CTDP1: variants seen among roughly 807,000 people sequenced by gnomAD.
CTDP1 encodes the protein CTD phosphatase 1.
A neutral mutation model predicts 91.8 loss-of-function variants in CTDP1; 47 were observed. The observed-to-expected ratio is 0.51, with a 90% confidence interval of 0.41 to 0.65. CTDP1 has a LOEUF of 0.65. Ranked by LOEUF, CTDP1 falls within the 30% of genes least tolerant of loss-of-function variation. The pLI is 0.00. For missense variants in CTDP1, 1,272 were observed against 1,373.7 expected, an observed-to-expected ratio of 0.93 and a Z score of 1.17; for synonymous variants, 656 against 598.5, an observed-to-expected ratio of 1.10 and a Z score of -1.40.
intron 1 of CTDP1, chr18:79,681,101 TCGGCAGCCGCGGCTC>T (rs2085356192): frequency 6.6e-6 from 1 of 152,396 alleles, no homozygotes; most frequent in Non-Finnish European, 1.5e-5. Flanking sequence ...TCTTCCCTCC[TCGGCAGCCGCGGCTC>T]CTCGTCCCTT....
In CTDP1 at chr18:79,714,874, T is replaced by G; in HGVS notation, c.1414T>G (p.Ser472Ala). 4 of 1,582,066 alleles carry G rather than the reference T, an allele frequency of 2.5e-6. No individual in the cohort carries two copies. The highest frequency in any genetic ancestry group is 3.4e-6 in the Non-Finnish European group (4 of 1,164,876). Residue 472 changes from serine to alanine, a missense_variant, in exon 8 of 13, where the codon TCC becomes GCC. Coordinates refer to ENST00000613122, the MANE Select transcript of CTDP1 (RefSeq NM_004715.5). ...GTCCGAGGGCACGAAGTCCTCCTCC[T>G]CCGCCTCTGATGGCGAAAGCGAGGG... ...SESEGTKSSSSASDGESEGKR... is the reference protein window; with the variant it reads ...SESEGTKSSSAASDGESEGKR...
intron 12 of CTDP1, among the ~76,000 whole-genome samples, chr18:79,753,025 A>G (rs2087029991): frequency 9.0e-6 from 1 of 111,022 alleles, no homozygotes; most frequent in African/African-American, 4.2e-5. Flanking sequence ...CTCCTAAGGA[A>G]AGCCTAGTGG....
chr18:79,733,692 C>T (rs1169445815), intron 11 of CTDP1, among the ~76,000 whole-genome samples: 1 of 152,192 alleles, frequency 6.6e-6, no homozygotes, highest in African/African-American at 2.4e-5. Context: ...GCTCAGGATG[C>T]TTTCCCGACC....
At chr18:79,693,700 C>T (rs989719485) in intron 1 of CTDP1, among the ~76,000 whole-genome samples, 1 of 152,194 alleles carries the variant, frequency 6.6e-6, no homozygotes, top group Admixed American at 6.5e-5. Flanking sequence ...CTCGGAGCCC[C>T]GCACCGTGTG....
chr18:79,724,535 G>T (rs554579044), intron 10 of CTDP1, among the ~76,000 whole-genome samples: 7 of 152,242 alleles, frequency 4.6e-5, no homozygotes, highest in African/African-American at 1.7e-4. Context: ...CTGCATTTCC[G>T]TGGTGAATAA....
chr18:79,686,313 A>G (rs1230735547), intron 1 of CTDP1, among the ~76,000 whole-genome samples: 1 of 152,230 alleles, frequency 6.6e-6, no homozygotes, highest in Non-Finnish European at 1.5e-5. Flanking sequence ...GAATGGATGA[A>G]TTCTCAGTTT....
At position 79,704,841 on chromosome 18, in the gene CTDP1, C is replaced by T; in HGVS notation, c.696C>T (p.Phe232=). 1 of 1,614,078 alleles carries T rather than the reference C, an allele frequency of 6.2e-7. No individual in the cohort carries two copies. Among genetic ancestry groups the T allele is most frequent in the Non-Finnish European group, 8.5e-7 (1 of 1,180,030 alleles). Residue 232 remains phenylalanine, a synonymous_variant, in exon 5 of 13, where the codon TTC becomes TTT. Coordinates refer to ENST00000613122, the MANE Select transcript of CTDP1 (RefSeq NM_004715.5). ...HTRLRPHCKD[F]LEKIAKLYEL... is the part of the protein sequence containing the mutation. The stretch of plus-strand genomic sequence containing the variant: ...GCCTGCGTCCACACTGCAAGGACTT[C>T]CTGGAGAAGATCGCCAAGCTGTACG...
chr18:79,736,281 T>C (rs983102991), intron 11 of CTDP1, 74 bp from the exon 12 acceptor site: 1 of 1,542,616 alleles, frequency 6.5e-7, no homozygotes, highest in African/African-American at 1.4e-5. Flanking sequence ...CCCTGGACTC[T>C]GCCGGGAGAA....
intron 12 of CTDP1, among the ~76,000 whole-genome samples, chr18:79,737,049 T>C (rs1384641879): frequency 6.6e-6 from 1 of 152,226 alleles, no homozygotes; most frequent in Non-Finnish European, 1.5e-5. Context: ...CCCCCGCCGG[T>C]GACAGTGGTC....
chr18:79,753,352 C>T (rs890302861), intron 12 of CTDP1, among the ~76,000 whole-genome samples: 1 of 152,252 alleles, frequency 6.6e-6, no homozygotes, highest in African/African-American at 2.4e-5. Context: ...GTTCTGATGT[C>T]TTCTGGCATC....
At chr18:79,688,738 T>G (rs928237366) in intron 1 of CTDP1, among the ~76,000 whole-genome samples, 2 of 152,082 alleles carry the variant, frequency 1.3e-5, no homozygotes, top group East Asian at 3.9e-4. Context: ...AGAGACGATT[T>G]CACCACGTTG....
chr18:79,719,554 A>C (rs1365105700), intron 10 of CTDP1, among the ~76,000 whole-genome samples: 1 of 149,846 alleles, frequency 6.7e-6, no homozygotes, highest in Non-Finnish European at 1.5e-5. Flanking sequence ...TGGTGATGTC[A>C]CCTCCAGTTG....
intron 4 of CTDP1, among the ~76,000 whole-genome samples, chr18:79,701,515 A>T (rs1183063160): frequency 7.8e-6 from 1 of 128,968 alleles, no homozygotes; most frequent in Non-Finnish European, 1.6e-5. Flanking sequence ...ATCTCAAAAA[A>T]AATAATAAAT....
At chr18:79,745,307 C>CGTTCTGTCCCCGCGTCCCTCCCGTGCGG (rs2086861621) in intron 12 of CTDP1, among the ~76,000 whole-genome samples, 1 of 68,110 alleles carries the variant, frequency 1.5e-5, no homozygotes, top group African/African-American at 5.6e-5. Context: ...CTCCCGTGCG[C>CGTTCTGTCCCCGCGTCCCTCCCGTGCGG]GTTCTGTCCC....
chr18:79,692,398 A>G (rs1481105118), intron 1 of CTDP1, among the ~76,000 whole-genome samples: 2 of 152,106 alleles, frequency 1.3e-5, no homozygotes, highest in African/African-American at 4.8e-5. Context: ...TTCTGAAGTC[A>G]GGTAGTAAAA....
At chr18:79,755,144 C>T (rs1459849476), downstream of CTDP1, 2 of 152,180 alleles carry the variant, frequency 1.3e-5, no homozygotes, top group African/African-American at 4.8e-5. Context: ...CCCCAGGGTC[C>T]TGGTGCTGCT....
intron 1 of CTDP1, among the ~76,000 whole-genome samples, chr18:79,694,546 CGG>C (rs2085706665): frequency 7.5e-6 from 1 of 133,376 alleles, no homozygotes; most frequent in African/African-American, 2.9e-5. Context: ...GTGGGGGCTG[CGG>C]ACACCTAGGG....
At chr18:79,718,291 C>T (rs140374447) in intron 10 of CTDP1, among the ~76,000 whole-genome samples, 220 of 152,328 alleles carry the variant, frequency 1.4e-3, no homozygotes, top group Admixed American at 5.0e-3. Flanking sequence ...CACCTGTGGC[C>T]GCCCCGCAGA....
chr18:79,742,527 G>C (rs2086801530), intron 12 of CTDP1, among the ~76,000 whole-genome samples: 1 of 152,254 alleles, frequency 6.6e-6, no homozygotes, highest in African/African-American at 2.4e-5. Flanking sequence ...GCTGAAAGCA[G>C]GTGACTTAGA....
Sources: allele counts gnomAD v4.1 joint callset (sites outside exome capture counted in the v4.1 genomes callset), GRCh38; gene constraint gnomAD v4.1.1; transcripts MANE v1.5; gene names NCBI Gene and HGNC (gene_info 2026-07-23, HGNC 2026-07-21).